PIEZO2: variants seen among roughly 807,000 people sequenced by gnomAD.
PIEZO2 encodes the protein piezo-type mechanosensitive ion channel component 2.
Under a neutral mutation model 337.3 loss-of-function variants are expected in PIEZO2, and 172 were observed. The observed-to-expected ratio is 0.51, with a 90% CI of 0.45 to 0.58. The LOEUF is 0.58. PIEZO2 is among the 20% of genes least tolerant of loss of function. The probability of loss-of-function intolerance (pLI) is 0.00; values close to 1 mark genes in which losing one functional copy is unlikely to be tolerated. For missense variants in PIEZO2, 3,028 were observed against 3,391.3 expected (o/e 0.89, Z 2.66); for synonymous variants, 1,251 against 1,228.5 (o/e 1.02, Z -0.38).
chr18:10,881,225 ATATG>A (rs375559674), intron 4 of PIEZO2, among the ~76,000 whole-genome samples: 8 of 151,894 alleles, frequency 5.3e-5, no homozygotes, highest in Non-Finnish European at 2.9e-5. Flanking sequence ...AGATATATAG[ATATG>A]TATGTATGTA....
chr18:11,129,416 C>T lies in PIEZO2; in HGVS notation c.64+19109G>A, dbSNP rs2040277627. 6.6e-6 allele frequency among the ~76,000 whole-genome samples: 1 copy of T among 151,884 alleles called. No individual in the cohort carries two copies. The highest frequency in any genetic ancestry group is 1.5e-5 in the Non-Finnish European group (1 of 67,984). On this transcript the variant is annotated intron_variant, in intron 1 of 55. Transcript: ENST00000674853. This position sits in a 1 kb window ranked among gnomAD's most constrained non-coding sequence, Gnocchi z 4.6. ...CATTCGTGTAGAGCTCTGGCATTGG[C>T]TAATTAATCATGGTGTTCCTAGAAG...
chr18:10,962,199 G>T lies in PIEZO2; in HGVS notation c.286+17336C>A, dbSNP rs2033811064. On this transcript the variant is annotated intron_variant, in intron 3 of 55. Coordinates refer to ENST00000674853, the MANE Select transcript of PIEZO2 (RefSeq NM_001378183.1). This position sits in a 1 kb window ranked among gnomAD's most constrained non-coding sequence, Gnocchi z 4.1. Reference sequence around the variant, plus strand: ...TCCAGATGCTCTGTTCAATGAAAGAGTCTTAAAAATAATGCAAAACGATGG... The same window carrying T: ...TCCAGATGCTCTGTTCAATGAAAGATTCTTAAAAATAATGCAAAACGATGG... 6.6e-6 allele frequency among the ~76,000 whole-genome samples: 1 copy of T among 152,180 alleles called. No individual in the cohort carries two copies. The highest frequency in any genetic ancestry group is 2.1e-4 in the South Asian group (1 of 4,830).
chr18:10,703,111 C>A (rs2035413779), intron 42 of PIEZO2, among the ~76,000 whole-genome samples: 1 of 152,192 alleles, frequency 6.6e-6, no homozygotes, highest in Non-Finnish European at 1.5e-5. Context: ...GCCTTGGCCT[C>A]TTAAAGTGCT....
In PIEZO2 at chr18:11,110,675, C is replaced by G. The variant is rs2039703239; in HGVS notation, c.64+37850G>C. ...AAGTCAGTGGCCTCTGATGCGATGC[C>G]TCGTCATCCTTTCCGCCCCTCCCCG... On this transcript the variant is annotated intron_variant, in intron 1 of 55. Coordinates refer to ENST00000674853, the MANE Select transcript of PIEZO2 (RefSeq NM_001378183.1). The surrounding 1 kb of genome is among the most constrained non-coding windows in gnomAD (Gnocchi z 4.2). Among the ~76,000 whole-genome samples, 1 of 152,242 alleles carries G rather than the reference C, an allele frequency of 6.6e-6. No homozygotes were observed. Among genetic ancestry groups the G allele is most frequent in the East Asian group, 1.9e-4 (1 of 5,192 alleles).
intron 13 of PIEZO2, among the ~76,000 whole-genome samples, chr18:10,792,305 A>T (rs150160526): frequency 1.2e-4 from 19 of 152,270 alleles, no homozygotes; most frequent in African/African-American, 4.6e-4. Flanking sequence ...ATACCATGCA[A>T]TTCACCCATT....
chr18:10,994,543 G>A (rs1436716247), intron 2 of PIEZO2, among the ~76,000 whole-genome samples: 1 of 151,488 alleles, frequency 6.6e-6, no homozygotes, highest in Admixed American at 6.6e-5. Context: ...CCAAGTAGCT[G>A]GGCTTACAGG....
In PIEZO2 at chr18:10,868,135, G is replaced by A. The variant is rs189544513; in HGVS notation, c.492+3118C>T. On this transcript the variant is annotated intron_variant, in intron 5 of 55. Coordinates refer to ENST00000674853, the MANE Select transcript of PIEZO2 (RefSeq NM_001378183.1). ...CAGAAGACCCAAGAGTCTTCCCCACGGATTAGTTGCTGCTTTAAAACAACA... is the reference window on the plus strand; with the variant it reads ...CAGAAGACCCAAGAGTCTTCCCCACAGATTAGTTGCTGCTTTAAAACAACA... Among the ~76,000 whole-genome samples the A allele has an allele frequency of 2.9e-3, 448 of 152,250 alleles. 5 individuals carry two copies. The highest frequency in any genetic ancestry group is 0.01 in the Middle Eastern group (3 of 294).
chr18:10,801,717 C>A (rs539794116), intron 9 of PIEZO2, among the ~76,000 whole-genome samples: 16 of 152,128 alleles, frequency 1.1e-4, no homozygotes, highest in African/African-American at 3.6e-4. Flanking sequence ...AGAATAAGCG[C>A]TTAGTTTTGT....
intron 49 of PIEZO2, among the ~76,000 whole-genome samples, chr18:10,683,741 C>T (rs1022119114): frequency 5.9e-5 from 9 of 152,174 alleles, no homozygotes; most frequent in African/African-American, 2.2e-4. Context: ...TCATAGGCCA[C>T]TCCTGTCACT....
intron 7 of PIEZO2, among the ~76,000 whole-genome samples, chr18:10,827,759 A>G (rs1189852): frequency 0.17 from 25,595 of 152,176 alleles, 2,572 homozygotes; most frequent in African/African-American, 0.28. Flanking sequence ...AACCTTGGAC[A>G]AGATCACAGC....
At position 10,876,400 on chromosome 18, in the gene PIEZO2, T is replaced by C. The variant is rs558646269; in HGVS notation, c.330-4985A>G. On this transcript the variant is annotated intron_variant, in intron 4 of 55. Transcript: ENST00000674853. ...CAGAGCTAGTGTGCAAGGAGCAGCT[T>C]TTGGGAAGTGCTGGGCTACAGAATC... Among the ~76,000 whole-genome samples, 111 of 152,324 alleles carry C rather than the reference T, an allele frequency of 7.3e-4. 1 individual carries two copies. Among genetic ancestry groups the C allele is most frequent in the African/African-American group, 2.5e-3 (106 of 41,576 alleles).
In PIEZO2 at chr18:10,794,794, T is replaced by C; in HGVS notation, c.1736A>G (p.Glu579Gly). 2 of 1,534,598 alleles carry C rather than the reference T, an allele frequency of 1.3e-6. No individual in the cohort carries two copies. The highest frequency in any genetic ancestry group is 1.7e-6 in the Non-Finnish European group (2 of 1,145,642). Residue 579 changes from glutamate (E) to glycine (G), a missense_variant, in exon 13 of 56, where the codon GAG becomes GGG. Coordinates refer to ENST00000674853, the MANE Select transcript of PIEZO2 (RefSeq NM_001378183.1). This position sits in a 1 kb window ranked among gnomAD's most constrained non-coding sequence, Gnocchi z 6.6. Reference protein sequence around the residue: ...KKVPGFLEKKEPGELASKILF... With the variant: ...KKVPGFLEKKGPGELASKILF... ...TACTTTGGAAGCAAGTTCTCCTGGC[T>C]CTTTCTTTTCTAAAAATCCTGGAAC...
At chr18:10,935,966 G>A (rs1244303125) in intron 3 of PIEZO2, among the ~76,000 whole-genome samples, 2 of 152,128 alleles carry the variant, frequency 1.3e-5, no homozygotes, top group African/African-American at 4.8e-5. Flanking sequence ...GGGCCATAAT[G>A]GGAAGTAATT....
rs954663423 is a variant in PIEZO2 at position 10,713,324 on chromosome 18, T to C, written c.5423+1440A>G. On this transcript the variant is annotated intron_variant, in intron 39 of 55. Coordinates refer to ENST00000674853, the MANE Select transcript of PIEZO2 (RefSeq NM_001378183.1). The surrounding 1 kb of genome is among the most constrained non-coding windows in gnomAD (Gnocchi z 4.5). The stretch of plus-strand genomic sequence containing the variant: ...CTCAAATACAGGAATGCAGCAACAG[T>C]TAATTAGCACTTTAGGGCAAAACTT... 5.3e-5 allele frequency among the ~76,000 whole-genome samples: 8 copies of C among 152,080 alleles called. No homozygotes were observed. Among genetic ancestry groups the C allele is most frequent in the African/African-American group, 1.9e-4 (8 of 41,412 alleles).
At chr18:11,042,166 G>T (rs922552449) in intron 2 of PIEZO2, among the ~76,000 whole-genome samples, 3 of 152,188 alleles carry the variant, frequency 2.0e-5, no homozygotes, top group African/African-American at 7.2e-5. Flanking sequence ...ACAAGGAAAA[G>T]CCTGCCTCTG....
In PIEZO2 at chr18:11,102,159, G is replaced by A. The variant is rs1000406072; in HGVS notation, c.65-35937C>T. On this transcript the variant is annotated intron_variant, in intron 1 of 55. Coordinates refer to ENST00000674853, the MANE Select transcript of PIEZO2 (RefSeq NM_001378183.1). This position sits in a 1 kb window ranked among gnomAD's most constrained non-coding sequence, Gnocchi z 5.7. ...TGACCGTCTACCATGGTCCCTGGTT[G>A]AACAAACACAAATTGTGGGGTGTAT... is the stretch of plus-strand genomic sequence containing the variant. Among the ~76,000 whole-genome samples, 2 of 152,146 alleles carry A rather than the reference G, an allele frequency of 1.3e-5. No individual in the cohort carries two copies. The highest frequency in any genetic ancestry group is 2.9e-5 in the Non-Finnish European group (2 of 68,022).
chr18:10,868,966 C>A (rs746708041), intron 5 of PIEZO2, among the ~76,000 whole-genome samples: 12 of 152,180 alleles, frequency 7.9e-5, no homozygotes, highest in Non-Finnish European at 1.8e-4. Context: ...AGAAGAGATT[C>A]TTTTACTGAG....
intron 29 of PIEZO2, among the ~76,000 whole-genome samples, chr18:10,749,309 T>C (rs575841707): frequency 5.3e-5 from 8 of 151,888 alleles, no homozygotes; most frequent in African/African-American, 1.9e-4. Context: ...TAGCCAGGCA[T>C]AGTGGTGCAG....
intron 7 of PIEZO2, among the ~76,000 whole-genome samples, chr18:10,817,972 A>G (rs1419872398): frequency 6.6e-6 from 1 of 151,916 alleles, no homozygotes; most frequent in Non-Finnish European, 1.5e-5. Flanking sequence ...GAAGACTATT[A>G]CCTGAATTAA....
Sources: gnomAD v4.1 joint callset for allele counts (sites outside exome capture counted in the v4.1 genomes callset) on GRCh38, gnomAD v4.1.1 for gene constraint, Gnocchi (gnomAD v3.1) non-coding constraint, MANE v1.5 for transcripts, NCBI Gene and HGNC (gene_info 2026-07-23, HGNC 2026-07-21) for gene names.